OXNAD1: variants seen among roughly 807,000 people sequenced by gnomAD.
OXNAD1 encodes the protein oxidoreductase NAD-binding domain-containing protein 1.
In OXNAD1, 34 loss-of-function variants were observed where a neutral mutation model predicts 32.9. The ratio of observed to expected loss-of-function variants is 1.03; its 90% CI spans 0.79 to 1.38. The LOEUF (loss-of-function observed/expected upper bound fraction) is 1.38, where lower values mean the gene tolerates loss of function less well. OXNAD1 is among the 40% of genes most tolerant of loss of function. OXNAD1 has a pLI of 0.00. For missense variants in OXNAD1, 407 were observed against 379.4 expected (o/e 1.07, Z -0.60); for synonymous variants, 134 against 135.2 (o/e 0.99, Z 0.06).
chr3:16,335,554 G>C lies in OXNAD1; in HGVS notation c.*31-1558G>C, dbSNP rs2070761310. 6.6e-6 allele frequency among the ~76,000 whole-genome samples: 1 copy of C among 152,198 alleles called. No individual in the cohort carries two copies. Among genetic ancestry groups the C allele is most frequent in the African/African-American group, 2.4e-5 (1 of 41,436 alleles). On this transcript the variant is annotated intron_variant, in intron 9 of 9. Transcript: ENST00000435829. This position sits in a 1 kb window ranked among gnomAD's most constrained non-coding sequence, Gnocchi z 4.7. ...CATGTTCTCACTTACAAGTGGGAGA[G>C]CTGAACGGTGAAAACACATGTGAAA...
At position 16,299,258 on chromosome 3, in the gene OXNAD1, G is replaced by A. The variant is rs2067013644; in HGVS notation, c.433-2368G>A. ...AGAGGGAGGGAAGGAGGATATAGGA[G>A]ATGAAATTCATTGTCATCGTTAGGC... On this transcript the variant is annotated intron_variant, in intron 6 of 8. Coordinates refer to ENST00000285083, the MANE Select transcript of OXNAD1 (RefSeq NM_138381.5). The surrounding 1 kb of genome is among the most constrained non-coding windows in gnomAD (Gnocchi z 4.4). Among the ~76,000 whole-genome samples, 1 of 152,170 alleles carries A rather than the reference G, an allele frequency of 6.6e-6. No individual in the cohort carries two copies. The highest frequency in any genetic ancestry group is 2.1e-4 in the South Asian group (1 of 4,824).
At chr3:16,330,775 C>T (rs1264728574) in intron 9 of OXNAD1, among the ~76,000 whole-genome samples, 1 of 152,212 alleles carries the variant, frequency 6.6e-6, no homozygotes, top group Non-Finnish European at 1.5e-5. Context: ...AGACATCCTA[C>T]ACAACCTTTC....
rs1342875390 is a variant in OXNAD1 at position 16,327,624 on chromosome 3, G to C, written c.*31-9488G>C. ...AATACAAAAAAAATTAGCCAGGCCT[G>C]GTGGCGGGCGCCTGTAGTCCCAGCT... On this transcript the variant is annotated intron_variant, in intron 9 of 9. Coordinates refer to the OXNAD1 transcript ENST00000435829. This position sits in a 1 kb window ranked among gnomAD's most constrained non-coding sequence, Gnocchi z 4.2. Among the ~76,000 whole-genome samples, 1 of 152,054 alleles carries C rather than the reference G, an allele frequency of 6.6e-6. No homozygotes were observed. Among genetic ancestry groups the C allele is most frequent in the African/African-American group, 2.4e-5 (1 of 41,398 alleles).
chr3:16,319,574 A>G (rs976761394), intron 9 of OXNAD1, among the ~76,000 whole-genome samples: 10 of 152,184 alleles, frequency 6.6e-5, no homozygotes, highest in Non-Finnish European at 7.4e-5. Context: ...TAGACCTTCC[A>G]TCTAATATGA....
At chr3:16,276,881 T>C (rs1306850477) in intron 4 of OXNAD1, among the ~76,000 whole-genome samples, 2 of 151,866 alleles carry the variant, frequency 1.3e-5, no homozygotes, top group Non-Finnish European at 2.9e-5. Context: ...TCAGGAAATT[T>C]TTAGTTGCAT....
At chr3:16,268,669 G>T (rs1297786558) in intron 1 of OXNAD1, among the ~76,000 whole-genome samples, 1 of 152,110 alleles carries the variant, frequency 6.6e-6, no homozygotes, top group Non-Finnish European at 1.5e-5. Flanking sequence ...TTCCAGTTCA[G>T]TTGAGAAGGG....
chr3:16,337,879 G>T (rs1412522016), downstream of OXNAD1, among the ~76,000 whole-genome samples: 1 of 152,124 alleles, frequency 6.6e-6, no homozygotes, highest in Non-Finnish European at 1.5e-5. The surrounding 1 kb of genome is among the most constrained non-coding windows in gnomAD (Gnocchi z 5.0). Context: ...TTTGCTCCAG[G>T]CCGGACACTT....
chr3:16,269,043 G>T, intron 1 of OXNAD1, 83 bp from the exon 2 acceptor site: 1 of 1,273,396 alleles, frequency 7.9e-7, no homozygotes, highest in Non-Finnish European at 1.0e-6. Context: ...ATTTTAATGA[G>T]CCTTTCCTTT....
Position 16,316,899 on chromosome 3 carries a change from T to G in OXNAD1, c.*30+13307T>G, listed in dbSNP as rs2068451628. ...CCGTCCCTGGCATCCTCTCCAGGAT[T>G]GGAGTGCCCAGTGCAAATCCCCACC... On this transcript the variant is annotated intron_variant, in intron 9 of 9. Transcript: ENST00000435829. This position sits in a 1 kb window ranked among gnomAD's most constrained non-coding sequence, Gnocchi z 4.5. 6.2e-7 allele frequency: 1 copy of G among 1,614,058 alleles called. No individual in the cohort carries two copies. Among genetic ancestry groups the G allele is most frequent in the Admixed American group, 1.7e-5 (1 of 60,006 alleles).
chr3:16,326,686 AT>A, intron 9 of OXNAD1: 1 of 975,262 alleles, frequency 1.0e-6, no homozygotes, highest in Middle Eastern at 2.1e-4. Context: ...GGATTAAATA[AT>A]TTATAGACGT....
intron 9 of OXNAD1, among the ~76,000 whole-genome samples, chr3:16,330,949 C>A (rs1332967396): frequency 2.6e-5 from 4 of 152,182 alleles, no homozygotes; most frequent in African/African-American, 9.7e-5. Flanking sequence ...CTTCTTTTCT[C>A]CTGTGTTTCA....
chr3:16,323,860 C>A (rs1204310784), intron 9 of OXNAD1, among the ~76,000 whole-genome samples: 2 of 152,184 alleles, frequency 1.3e-5, no homozygotes, highest in African/African-American at 2.4e-5. Flanking sequence ...CCTCCAGCTG[C>A]TACAGGACAG....
At chr3:16,333,649 A>G (rs528842286) in intron 9 of OXNAD1, among the ~76,000 whole-genome samples, 50 of 152,332 alleles carry the variant, frequency 3.3e-4, no homozygotes, top group Admixed American at 2.3e-3. Flanking sequence ...TAAAAATGAC[A>G]AATTTGATTA....
In OXNAD1 at chr3:16,301,544, A is replaced by G; in HGVS notation, c.433-82A>G. On this transcript the variant is annotated intron_variant, in intron 6 of 8. Coordinates refer to ENST00000285083, the MANE Select transcript of OXNAD1 (RefSeq NM_138381.5). The surrounding 1 kb of genome is among the most constrained non-coding windows in gnomAD (Gnocchi z 4.1). ...CTTAAATACTGATAATACAGGAGATAGACCCAGTTTTATTAAAGTAGAACA... is the reference window on the plus strand; with the variant it reads ...CTTAAATACTGATAATACAGGAGATGGACCCAGTTTTATTAAAGTAGAACA... The G allele has an allele frequency of 6.6e-7, 1 of 1,507,886 alleles. No individual in the cohort carries two copies. Among genetic ancestry groups the G allele is most frequent in the Non-Finnish European group, 9.1e-7 (1 of 1,104,282 alleles). 93.4% of individuals were successfully genotyped at this position (1,507,886 alleles called of 1,614,324 possible).
chr3:16,269,004 G>A (rs1399474792), intron 1 of OXNAD1, 122 bp from the exon 2 acceptor site: 3 of 772,684 alleles, frequency 3.9e-6, no homozygotes, highest in Non-Finnish European at 5.4e-6. Context: ...GTAATTGAGA[G>A]TGGGCTTGTT....
rs2071595523 is a variant in OXNAD1 at position 16,345,509 on chromosome 3, G to A, written c.*31-3667G>A. ...GACCAGATGGCCCTCCCCAGTGTGG[G>A]TGGACACCATCCAGTCATTGAGGAC... On this transcript the variant is annotated intron_variant, in intron 9 of 9. Transcript: ENST00000606098. This position sits in a 1 kb window ranked among gnomAD's most constrained non-coding sequence, Gnocchi z 5.2. 6.6e-6 allele frequency among the ~76,000 whole-genome samples: 1 copy of A among 152,114 alleles called. No individual in the cohort carries two copies. The highest frequency in any genetic ancestry group is 2.1e-4 in the South Asian group (1 of 4,830).
rs1048344851 is a variant in OXNAD1, at chr3:16,312,299, C to G, written c.*30+8707C>G. ...AGGAAACCCAGCCTCTCCTGGGAAG[C>G]TGCATCAGTGGTTTTGGCGGGTCAT... On this transcript the variant is annotated intron_variant, in intron 9 of 9. Transcript: ENST00000435829. This position sits in a 1 kb window ranked among gnomAD's most constrained non-coding sequence, Gnocchi z 4.7. Among the ~76,000 whole-genome samples, 3 of 152,202 alleles carry G rather than the reference C, an allele frequency of 2.0e-5. No individual in the cohort carries two copies. The highest frequency in any genetic ancestry group is 2.1e-4 in the South Asian group (1 of 4,830).
intron 4 of OXNAD1, among the ~76,000 whole-genome samples, chr3:16,278,494 A>C (rs1160897805): frequency 2.0e-5 from 3 of 152,164 alleles, no homozygotes; most frequent in Non-Finnish European, 4.4e-5. Context: ...CTGCTTCCTC[A>C]TTTGCCTGAA....
chr3:16,325,158 G>A (rs941045607), intron 9 of OXNAD1, among the ~76,000 whole-genome samples: 2 of 152,192 alleles, frequency 1.3e-5, no homozygotes, highest in Admixed American at 6.5e-5. Flanking sequence ...TAGCGGCTAG[G>A]CTGGGTGAAT....
Sources: gnomAD v4.1 joint callset for allele counts (sites outside exome capture counted in the v4.1 genomes callset) on GRCh38, gnomAD v4.1.1 for gene constraint, Gnocchi (gnomAD v3.1) non-coding constraint, MANE v1.5 for transcripts, NCBI Gene and HGNC (gene_info 2026-07-23, HGNC 2026-07-21) for gene names.